The following FANCC variants were observed in gnomAD, a reference collection of about 807,000 sequenced individuals.
FANCC encodes the protein Fanconi anemia group C protein.
In FANCC, 55 loss-of-function variants were observed where a neutral mutation model predicts 71.3. That is an observed-to-expected ratio of 0.77 (90% CI 0.62 to 0.97). The LOEUF (loss-of-function observed/expected upper bound fraction) is 0.97, where lower values mean the gene tolerates loss of function less well. Ranked by LOEUF, FANCC falls within the 50% of genes least tolerant of loss-of-function variation. The pLI is 0.00. For synonymous variants in FANCC, 275 were observed against 244.9 expected (o/e 1.12, Z -1.15); for missense variants, 678 against 670.9 (o/e 1.01, Z -0.12).
chr9:95,151,007 T>G (rs569978745), intron 6 of FANCC, among the ~76,000 whole-genome samples: 1 of 152,330 alleles, frequency 6.6e-6, no homozygotes, highest in South Asian at 2.1e-4. Context: ...TAGTCACAGT[T>G]CAAGTGCTCA....
intron 4 of FANCC, among the ~76,000 whole-genome samples, chr9:95,228,094 C>T (rs1324708838): frequency 6.6e-6 from 1 of 152,160 alleles, no homozygotes; most frequent in East Asian, 1.9e-4. Context: ...ATCACCAGAT[C>T]CTCAAAGGCA....
chr9:95,124,798 A>C (rs1021106651), intron 10 of FANCC, among the ~76,000 whole-genome samples: 13 of 152,354 alleles, frequency 8.5e-5, no homozygotes, highest in African/African-American at 3.1e-4. Flanking sequence ...ACAGTGCACA[A>C]CACAGGGCCA....
chr9:95,208,465 A>C (rs1828287937), intron 4 of FANCC, among the ~76,000 whole-genome samples: 1 of 152,146 alleles, frequency 6.6e-6, no homozygotes, highest in Non-Finnish European at 1.5e-5. Context: ...GGATACTATC[A>C]AGAGAATTAA....
At position 95,172,122 on chromosome 9, in the gene FANCC, G is replaced by A. The variant is rs374602991; in HGVS notation, c.371C>T (p.Ala124Val). ...IQGVLSHILS[A>V]LRFDKEVALF... ...AGCAACTTCTTTATCAAATCTGAGT[G>A]CTGAAAGTATATGAGATAATACACC... The change falls in exon 5 of 15, where the codon GCA becomes GTA. Residue 124 changes from alanine (A) to valine (V), a missense_variant. Transcript: ENST00000289081. 15 of 1,612,144 alleles carry A rather than the reference G, an allele frequency of 9.3e-6. No individual in the cohort carries two copies. Among genetic ancestry groups the A allele is most frequent in the Non-Finnish European group, 1.2e-5 (14 of 1,178,338 alleles).
rs187817733 is a variant in FANCC at position 95,185,763 on chromosome 9, A to T, written c.346-13616T>A. Among the ~76,000 whole-genome samples the T allele has an allele frequency of 3.6e-3, 550 of 152,332 alleles. 5 individuals are homozygous for T. Among genetic ancestry groups the T allele is most frequent in the African/African-American group, 0.012 (517 of 41,578 alleles). Reference sequence around the variant, plus strand: ...AAGTGGACAAAGTATAATTCAGCGAACAATTCCCATCTGCAGGAAAACTAA... The same window carrying T: ...AAGTGGACAAAGTATAATTCAGCGATCAATTCCCATCTGCAGGAAAACTAA... On this transcript the variant is annotated intron_variant, in intron 4 of 14. Coordinates refer to ENST00000289081, the MANE Select transcript of FANCC (RefSeq NM_000136.3).
chr9:95,310,965 C>A (rs911052500), intron 1 of FANCC, among the ~76,000 whole-genome samples: 2 of 152,170 alleles, frequency 1.3e-5, no homozygotes, highest in African/African-American at 4.8e-5. Flanking sequence ...CAGGCGTTGG[C>A]CAGGAGCGGT....
intron 4 of FANCC, among the ~76,000 whole-genome samples, chr9:95,225,838 A>C (rs1448675743): frequency 6.6e-6 from 1 of 152,212 alleles, no homozygotes; most frequent in Non-Finnish European, 1.5e-5. Flanking sequence ...AGGGGAGGCA[A>C]ATTTTCATAA....
At chr9:95,118,207 T>TG (rs1360453902) in intron 10 of FANCC, among the ~76,000 whole-genome samples, 2 of 151,452 alleles carry the variant, frequency 1.3e-5, no homozygotes, top group African/African-American at 2.4e-5. Flanking sequence ...TTAGTGGAGA[T>TG]GGGGTTTCAC....
At chr9:95,260,679 T>TA (rs1254519022) in intron 1 of FANCC, among the ~76,000 whole-genome samples, 4,727 of 74,924 alleles carry the variant, frequency 0.063, 87 homozygotes, top group East Asian at 0.081. Flanking sequence ...TCTCAGAACT[T>TA]AAAATATAAA....
chr9:95,315,487 G>T (rs944303294), intron 1 of FANCC, among the ~76,000 whole-genome samples: 2 of 152,180 alleles, frequency 1.3e-5, no homozygotes. Flanking sequence ...GCTTCCCAAA[G>T]TGCTGGGATT....
In FANCC at chr9:95,100,641, CTTT is replaced by C; in HGVS notation, c.*1063_*1065del. The C allele has an allele frequency of 4.4e-6, 1 of 229,610 alleles. No homozygotes were observed. Among genetic ancestry groups the C allele is most frequent in the Non-Finnish European group, 8.6e-6 (1 of 115,806 alleles). 14.2% of individuals were successfully genotyped at this position (229,610 alleles called of 1,614,324 possible). ...AACCTTGAGATTACACTAACAATGC[CTTT>C]TTTTAAGAGATGGTCTCGCTCTGTT... On this transcript the variant is annotated 3_prime_UTR_variant, in exon 15 of 15. Coordinates refer to ENST00000289081, the MANE Select transcript of FANCC (RefSeq NM_000136.3).
Position 95,113,235 on chromosome 9 carries a change from C to A in FANCC, c.1154+1394G>T, listed in dbSNP as rs1022582664. ...GTGAGGAAGGAGTGAGCAGCTGGCACCCAAGCCATCAATCACGGAGCTGGA... is the reference window on the plus strand; with the variant it reads ...GTGAGGAAGGAGTGAGCAGCTGGCAACCAAGCCATCAATCACGGAGCTGGA... On this transcript the variant is annotated intron_variant, in intron 12 of 14. Transcript: ENST00000289081. 2.0e-5 allele frequency among the ~76,000 whole-genome samples: 3 copies of A among 152,296 alleles called. No homozygotes were observed. The South Asian group carries it at 6.2e-4, about 32-fold the overall frequency.
At chr9:95,179,054 C>T (rs746541683) in intron 4 of FANCC, among the ~76,000 whole-genome samples, 1 of 152,210 alleles carries the variant, frequency 6.6e-6, no homozygotes, top group South Asian at 2.1e-4. Flanking sequence ...ATTTCGCTAA[C>T]TTTGGATTAA....
At chr9:95,186,233 T>C (rs1305817898) in intron 4 of FANCC, among the ~76,000 whole-genome samples, 1 of 152,232 alleles carries the variant, frequency 6.6e-6, no homozygotes, top group African/African-American at 2.4e-5. Flanking sequence ...AATAAGGCTG[T>C]TGAAACACCA....
chr9:95,313,070 G>C (rs958073890), intron 1 of FANCC, among the ~76,000 whole-genome samples: 1 of 152,230 alleles, frequency 6.6e-6, no homozygotes, highest in African/African-American at 2.4e-5. Flanking sequence ...CACTACAAGA[G>C]CCTGCACTGG....
intron 4 of FANCC, among the ~76,000 whole-genome samples, chr9:95,199,037 T>C (rs917822698): frequency 2.6e-5 from 4 of 152,232 alleles, no homozygotes; most frequent in Admixed American, 2.6e-4. Context: ...TAGTTTTCTT[T>C]ATATTGTAGT....
intron 7 of FANCC, among the ~76,000 whole-genome samples, chr9:95,140,488 A>G (rs1002491464): frequency 4.6e-5 from 7 of 152,176 alleles, no homozygotes; most frequent in Admixed American, 2.0e-4. Flanking sequence ...AAACAAAACA[A>G]AACAAAACAA....
At chr9:95,104,817 A>G (rs1287226728) in intron 14 of FANCC, among the ~76,000 whole-genome samples, 1 of 152,048 alleles carries the variant, frequency 6.6e-6, no homozygotes, top group Non-Finnish European at 1.5e-5. Context: ...CCTGAGCTGG[A>G]ATTGTCCTTG....
intron 14 of FANCC, among the ~76,000 whole-genome samples, chr9:95,105,161 C>T (rs1053660735): frequency 4.6e-5 from 7 of 152,232 alleles, no homozygotes; most frequent in African/African-American, 1.7e-4. Context: ...GCTGAGACAC[C>T]AGCACCTGGG....
Sources: gnomAD v4.1 joint callset for allele counts (sites outside exome capture counted in the v4.1 genomes callset) on GRCh38, gnomAD v4.1.1 for gene constraint, MANE v1.5 for transcripts, NCBI Gene and HGNC (gene_info 2026-07-23, HGNC 2026-07-21) for gene names.